The following PSAT1 variants were observed in gnomAD, a reference collection of about 807,000 sequenced individuals.
PSAT1 encodes the protein phosphoserine aminotransferase 1, also known as phosphoserine aminotransferase.
A neutral mutation model predicts 40.3 loss-of-function variants in PSAT1; 41 were observed. The ratio of observed to expected loss-of-function variants is 1.02; its 90% CI spans 0.79 to 1.32. The LOEUF (loss-of-function observed/expected upper bound fraction) is 1.32, where lower values mean the gene tolerates loss of function less well. Ranked by LOEUF, PSAT1 falls within the 40% of genes most tolerant of loss-of-function variation. PSAT1 has a pLI of 0.00. For missense variants in PSAT1, 406 were observed against 455.8 expected (o/e 0.89, Z 0.99); for synonymous variants, 147 against 170.5 (o/e 0.86, Z 1.07).
At chr9:78,323,187 T>C (rs1303220089) in intron 7 of PSAT1, among the ~76,000 whole-genome samples, 2 of 152,150 alleles carry the variant, frequency 1.3e-5, no homozygotes, top group African/African-American at 4.8e-5. Context: ...AGCGGGTCTC[T>C]TAGCAGACAT....
intron 3 of PSAT1, among the ~76,000 whole-genome samples, chr9:78,302,544 C>T (rs555698189): frequency 1.3e-5 from 2 of 152,030 alleles, no homozygotes; most frequent in Admixed American, 1.3e-4. Context: ...CTGGCTACCA[C>T]GGTGAAACCC....
Position 78,306,345 on chromosome 9 carries a change from C to G in PSAT1, c.429C>G (p.Asn143Lys), listed in dbSNP as rs147534153. Residue 143 changes from asparagine to lysine, a missense_variant, in exon 5 of 9, where the codon AAC becomes AAG. Asn to Lys is a moderately conservative substitution (Grantham distance 94). Transcript: ENST00000376588. ...CAGATCCAAGCACCTGGAACCTCAA[C>G]CCAGATGCCTCCTACGTGTATTATT... ...KIPDPSTWNL[N>K]PDASYVYYCA... 6.2e-7 allele frequency: 1 copy of G among 1,612,542 alleles called. No individual in the cohort carries two copies. The highest frequency in any genetic ancestry group is 8.5e-7 in the Non-Finnish European group (1 of 1,179,956).
At chr9:78,298,529 C>T in intron 1 of PSAT1, 3 of 747,574 alleles carry the variant, frequency 4.0e-6, no homozygotes, top group Non-Finnish European at 4.9e-6. Flanking sequence ...AGATTCCCTG[C>T]TCCAGCTGTG....
intron 3 of PSAT1, among the ~76,000 whole-genome samples, chr9:78,303,379 A>G (rs1052169965): frequency 4.6e-5 from 7 of 152,086 alleles, no homozygotes; most frequent in African/African-American, 1.7e-4. Flanking sequence ...CCTGTCCTTC[A>G]TGGAGTGGGT....
chr9:78,320,152 C>T lies in PSAT1; in HGVS notation c.869+2348C>T, dbSNP rs559128134. Among the ~76,000 whole-genome samples the T allele has an allele frequency of 2.6e-5, 4 of 151,514 alleles. No homozygotes were observed. In the South Asian group the frequency reaches 8.4e-4, roughly 32 times the overall value. Reference sequence around the variant, plus strand: ...CATCCATCTATCCATCCATTACCCACCCATCCTTCCACCCACCTATTCACC... The same window carrying T: ...CATCCATCTATCCATCCATTACCCATCCATCCTTCCACCCACCTATTCACC... On this transcript the variant is annotated intron_variant, in intron 7 of 8. Transcript: ENST00000376588.
chr9:78,325,423 CG>C (rs1828483120), intron 7 of PSAT1, among the ~76,000 whole-genome samples: 1 of 152,242 alleles, frequency 6.6e-6, no homozygotes, highest in South Asian at 2.1e-4. Context: ...TCCACAGCCC[CG>C]GCCCTGTAGG....
rs907078101 is a variant in PSAT1, at chr9:78,329,312, T to C, written c.*226T>C. 6 of 537,826 alleles carry C rather than the reference T, an allele frequency of 1.1e-5. No individual in the cohort carries two copies. The African/African-American group carries it at 1.1e-4, about 10-fold the overall frequency. 33.3% of individuals were successfully genotyped at this position (537,826 alleles called of 1,614,324 possible). A position where few individuals can be genotyped will look rare whatever the true frequency, so the allele number is the denominator to read the frequency against. ...TGAACTGGAAGCATTTTAAGAAATC[T>C]TGTTGCTTTTCTAACAAATTCCCGC... On this transcript the variant is annotated 3_prime_UTR_variant, in exon 9 of 9. Coordinates refer to ENST00000376588, the MANE Select transcript of PSAT1 (RefSeq NM_058179.4).
At chr9:78,310,023 C>A (rs1828243669) in intron 6 of PSAT1, among the ~76,000 whole-genome samples, 1 of 152,136 alleles carries the variant, frequency 6.6e-6, no homozygotes, top group Admixed American at 6.5e-5. Flanking sequence ...GAGTACCTGG[C>A]ACTTGGTGAT....
intron 4 of PSAT1, 54 bp from the exon 5 acceptor site, chr9:78,306,260 T>C (rs928384171): frequency 1.0e-5 from 16 of 1,590,758 alleles, no homozygotes; most frequent in Non-Finnish European, 1.3e-5. Flanking sequence ...CCCATCTATG[T>C]AAGGAAAGAG....
chr9:78,323,451 A>G (rs1828456712), intron 7 of PSAT1, among the ~76,000 whole-genome samples: 1 of 152,070 alleles, frequency 6.6e-6, no homozygotes, highest in Admixed American at 6.6e-5. Context: ...GTGGTGGTAC[A>G]TGCCTGTAGT....
chr9:78,302,172 G>A lies in PSAT1; in HGVS notation c.191+149G>A, dbSNP rs188083716. 1.9e-3 allele frequency: 1,306 copies of A among 674,406 alleles called. 9 individuals carry two copies. In the Middle Eastern group the frequency reaches 0.026, roughly 13 times the overall value. 41.8% of individuals were successfully genotyped at this position (674,406 alleles called of 1,614,324 possible). A position where few individuals can be genotyped will look rare whatever the true frequency, so the allele number is the denominator to read the frequency against. The stretch of plus-strand genomic sequence containing the variant: ...TAAGATTCTCTCCAATTCACTATTA[G>A]TACCTAACGCTTTTTATTTGTTCCC... On this transcript the variant is annotated intron_variant, in intron 3 of 8. Transcript: ENST00000376588.
At position 78,329,464 on chromosome 9, in the gene PSAT1, T is replaced by C. The variant is rs1828550108; in HGVS notation, c.*378T>C. 35 of 274,728 alleles carry C rather than the reference T, an allele frequency of 1.3e-4. No homozygotes were observed. Among genetic ancestry groups the C allele is most frequent in the South Asian group, 2.3e-4 (6 of 26,290 alleles). The allele number at this position is 274,728 out of a possible 1,614,324, so 17.0% of individuals were successfully genotyped here. A position where few individuals can be genotyped will look rare whatever the true frequency, so the allele number is the denominator to read the frequency against. On this transcript the variant is annotated 3_prime_UTR_variant, in exon 9 of 9. Coordinates refer to ENST00000376588, the MANE Select transcript of PSAT1 (RefSeq NM_058179.4). ...CACAGCACAGAGGGTAGGGGGGCCC[T>C]CTAGGTGCTGAATCTACACATCTGT...
chr9:78,305,057 T>G (rs1305889968), intron 4 of PSAT1, 117 bp downstream of exon 4: 8 of 912,022 alleles, frequency 8.8e-6, no homozygotes, highest in Non-Finnish European at 7.0e-6. Flanking sequence ...TCATTACCAT[T>G]TAGATTGGGT....
At chr9:78,298,238 A>G (rs992224096) in intron 1 of PSAT1, 1 of 963,748 alleles carries the variant, frequency 1.0e-6, no homozygotes, top group Non-Finnish European at 1.2e-6. Flanking sequence ...CCTTGAGCCC[A>G]TTGTCAGGCG....
At chr9:78,308,375 C>T in intron 5 of PSAT1, 39 bp from the exon 6 acceptor site, 1 of 1,606,410 alleles carries the variant, frequency 6.2e-7, no homozygotes, top group Non-Finnish European at 8.5e-7. Context: ...TGAAAAATGG[C>T]CAAATCCTTC....
intron 6 of PSAT1, among the ~76,000 whole-genome samples, chr9:78,312,281 T>G (rs766624033): frequency 3.9e-5 from 6 of 152,162 alleles, no homozygotes; most frequent in Non-Finnish European, 5.9e-5. Flanking sequence ...CACAAAATAT[T>G]TTTTACTTAC....
In PSAT1 at chr9:78,317,659, A is replaced by C. The variant is rs1213571444; in HGVS notation, c.741-17A>C. The C allele has an allele frequency of 3.1e-6, 5 of 1,612,292 alleles. No individual in the cohort carries two copies. In the Admixed American group the frequency reaches 8.4e-5, roughly 27 times the overall value. On this transcript the variant is annotated splice_polypyrimidine_tract_variant and intron_variant, in intron 6 of 8. Transcript: ENST00000376588. ...CAAAGATGAGCTAAACGGATTTTTT[A>C]AAAATCTTCATTTTAGCATCTACGT...
intron 1 of PSAT1, among the ~76,000 whole-genome samples, chr9:78,300,357 C>G (rs1011454247): frequency 6.6e-6 from 1 of 152,048 alleles, no homozygotes; most frequent in South Asian, 2.1e-4. Context: ...TCGGTAAATT[C>G]GGGCCTTTGG....
At chr9:78,326,955 A>ATATATATATATATATATTTTTTTTT in intron 7 of PSAT1, among the ~76,000 whole-genome samples, 3 of 75,958 alleles carry the variant, frequency 3.9e-5, no homozygotes, top group African/African-American at 2.8e-4. Context: ...ATATATATAT[A>ATATATATATATATATATTTTTTTTT]TTTTTTTTTT....
Sources: gnomAD v4.1 joint callset for allele counts (sites outside exome capture counted in the v4.1 genomes callset) on GRCh38, gnomAD v4.1.1 for gene constraint, MANE v1.5 for transcripts, NCBI Gene and HGNC (gene_info 2026-07-23, HGNC 2026-07-21) for gene names.